The following ARHGAP24 variants were observed in gnomAD, a reference collection of about 807,000 sequenced individuals.
ARHGAP24 encodes Rho GTPase activating protein 24.
ARHGAP24 carries 50 observed loss-of-function variants against 76.4 expected under a neutral mutation model. The observed-to-expected ratio is 0.65, with a 90% CI of 0.52 to 0.83. The LOEUF (loss-of-function observed/expected upper bound fraction) is 0.83. Among genes scored for constraint, ARHGAP24 ranks in the 40% least tolerant of loss-of-function variants. The probability of loss-of-function intolerance (pLI) is 0.00; values close to 1 mark genes in which losing one functional copy is unlikely to be tolerated. For missense variants in ARHGAP24, 930 were observed against 914.2 expected (o/e 1.02, Z -0.22); for synonymous variants, 345 against 323.3 (o/e 1.07, Z -0.72).
At chr4:85,901,124 T>C (rs899974692) in intron 3 of ARHGAP24, among the ~76,000 whole-genome samples, 1 of 152,216 alleles carries the variant, frequency 6.6e-6, no homozygotes, top group Non-Finnish European at 1.5e-5. Context: ...CAAGCTCTTT[T>C]CTTTAAGTAG....
At chr4:85,679,813 G>A (rs2110008925) in intron 2 of ARHGAP24, among the ~76,000 whole-genome samples, 1 of 152,224 alleles carries the variant, frequency 6.6e-6, no homozygotes, top group East Asian at 1.9e-4. Context: ...TCTCAATAGT[G>A]TCTGTCTCTT....
At chr4:85,672,469 ATCC>A (rs140012032) in intron 2 of ARHGAP24, among the ~76,000 whole-genome samples, 5,010 of 152,250 alleles carry the variant, frequency 0.033, 293 homozygotes, top group African/African-American at 0.11. Flanking sequence ...ATATTTCAGT[ATCC>A]TCCTCCTACC....
intron 3 of ARHGAP24, among the ~76,000 whole-genome samples, chr4:85,783,102 A>C (rs1727639618): frequency 6.6e-6 from 1 of 152,168 alleles, no homozygotes; most frequent in African/African-American, 2.4e-5. Context: ...TGCCAGAAGA[A>C]AAAGCATCGG....
At chr4:85,564,067 C>T (rs951934215) in intron 1 of ARHGAP24, among the ~76,000 whole-genome samples, 1 of 152,186 alleles carries the variant, frequency 6.6e-6, no homozygotes, top group African/African-American at 2.4e-5. Flanking sequence ...GATGGCAACA[C>T]TCTTATGTCC....
At chr4:85,927,826 A>G (rs1452249858) in intron 4 of ARHGAP24, among the ~76,000 whole-genome samples, 2 of 152,234 alleles carry the variant, frequency 1.3e-5, no homozygotes, top group Non-Finnish European at 2.9e-5. Flanking sequence ...CAGGTTGCAC[A>G]TATATGCAAA....
At chr4:85,899,038 C>G (rs979631957) in intron 3 of ARHGAP24, among the ~76,000 whole-genome samples, 1 of 152,082 alleles carries the variant, frequency 6.6e-6, no homozygotes, top group African/African-American at 2.4e-5. Flanking sequence ...GCCACCATGC[C>G]CAGCCTGTGT....
chr4:85,585,817 T>C (rs1727831869), intron 2 of ARHGAP24, among the ~76,000 whole-genome samples: 1 of 152,214 alleles, frequency 6.6e-6, no homozygotes, highest in Admixed American at 6.5e-5. Context: ...GACATTAGTC[T>C]CTTTTTCCTA....
chr4:85,865,717 G>T (rs1483761626), intron 3 of ARHGAP24, among the ~76,000 whole-genome samples: 1 of 151,402 alleles, frequency 6.6e-6, no homozygotes, highest in Non-Finnish European at 1.5e-5. Context: ...AAAATAAGAA[G>T]AATTATTAAT....
chr4:85,569,331 G>C (rs1288273787), intron 1 of ARHGAP24, among the ~76,000 whole-genome samples: 2 of 152,180 alleles, frequency 1.3e-5, no homozygotes, highest in Admixed American at 1.3e-4. Context: ...ACAAGAGTTA[G>C]AGAGGGCTTC....
At chr4:85,851,635 G>T (rs2110163146) in intron 3 of ARHGAP24, among the ~76,000 whole-genome samples, 1 of 152,284 alleles carries the variant, frequency 6.6e-6, no homozygotes, top group Non-Finnish European at 1.5e-5. Context: ...CTCTTGTAAG[G>T]CAGGCCTGGT....
chr4:85,815,754 T>C (rs1264623684), intron 3 of ARHGAP24, among the ~76,000 whole-genome samples: 1 of 152,220 alleles, frequency 6.6e-6, no homozygotes, highest in African/African-American at 2.4e-5. Context: ...CGCTTCCACA[T>C]TTTCGGGTAT....
At chr4:85,945,472 A>G (rs1737197798) in intron 5 of ARHGAP24, among the ~76,000 whole-genome samples, 1 of 152,074 alleles carries the variant, frequency 6.6e-6, no homozygotes, top group Admixed American at 6.5e-5. Context: ...TAAAAGTTAC[A>G]TATGAAAAGG....
Position 85,609,633 on chromosome 4 carries a change from G to A in ARHGAP24, c.180+38912G>A, listed in dbSNP as rs192700154. 3.0e-3 allele frequency among the ~76,000 whole-genome samples: 457 copies of A among 151,970 alleles called. 1 individual carries two copies. Among genetic ancestry groups the A allele is most frequent in the African/African-American group, 0.011 (440 of 41,426 alleles). On this transcript the variant is annotated intron_variant, in intron 2 of 9. Coordinates refer to ENST00000395184, the MANE Select transcript of ARHGAP24 (RefSeq NM_001025616.3). Reference sequence around the variant, plus strand: ...TCTGCTCTTCCCATTATCACAATTGGGAAGGCAACTCCATGCATTCCTTCA... The same window carrying A: ...TCTGCTCTTCCCATTATCACAATTGAGAAGGCAACTCCATGCATTCCTTCA...
chr4:85,839,651 A>C (rs140485081), intron 3 of ARHGAP24, among the ~76,000 whole-genome samples: 2 of 151,484 alleles, frequency 1.3e-5, no homozygotes, highest in East Asian at 2.0e-4. Context: ...GCATTTCACT[A>C]TGTTGGCCAG....
chr4:85,930,246 C>T (rs1736251647), intron 4 of ARHGAP24: 4 of 985,356 alleles, frequency 4.1e-6, no homozygotes, highest in South Asian at 4.7e-5. Flanking sequence ...AATGGGCACT[C>T]GACTGTTCTG....
intron 3 of ARHGAP24, among the ~76,000 whole-genome samples, chr4:85,890,917 C>T (rs960899116): frequency 2.0e-5 from 3 of 152,096 alleles, no homozygotes; most frequent in Admixed American, 1.3e-4. Flanking sequence ...AGAGTGGGCA[C>T]CAACAAGTGT....
At chr4:85,741,235 A>G (rs1033883593) in intron 3 of ARHGAP24, among the ~76,000 whole-genome samples, 2 of 152,240 alleles carry the variant, frequency 1.3e-5, no homozygotes, top group East Asian at 1.9e-4. Context: ...GAAGAAAAAC[A>G]CAACAGAAAA....
At chr4:85,598,380 C>A (rs928439512) in intron 2 of ARHGAP24, among the ~76,000 whole-genome samples, 3 of 151,998 alleles carry the variant, frequency 2.0e-5, no homozygotes, top group African/African-American at 7.2e-5. Flanking sequence ...GATTAATTTA[C>A]ATTTCTCTTA....
At chr4:85,528,436 C>T (rs1442636781) in intron 1 of ARHGAP24, among the ~76,000 whole-genome samples, 1 of 151,934 alleles carries the variant, frequency 6.6e-6, no homozygotes, top group Non-Finnish European at 1.5e-5. Flanking sequence ...CAAAAAATTT[C>T]TGGTGTTAGT....
Sources: gnomAD v4.1 joint callset for allele counts (sites outside exome capture counted in the v4.1 genomes callset) on GRCh38, gnomAD v4.1.1 for gene constraint, MANE v1.5 for transcripts, NCBI Gene and HGNC (gene_info 2026-07-23, HGNC 2026-07-21) for gene names.